SRRM4: variants seen among roughly 807,000 people sequenced by gnomAD.
SRRM4 encodes serine/arginine repetitive matrix protein 4.
Under a neutral mutation model 68.9 loss-of-function variants are expected in SRRM4, and 33 were observed. The ratio of observed to expected loss-of-function variants is 0.48; its 90% CI spans 0.36 to 0.64. SRRM4 has a LOEUF of 0.64. Among genes scored for constraint, SRRM4 ranks in the 30% least tolerant of loss-of-function variants. The pLI, the probability that SRRM4 is intolerant of heterozygous loss-of-function variation, is 0.00. For synonymous variants in SRRM4, 318 were observed against 318.8 expected, an observed-to-expected ratio of 1.00 and a Z score of 0.03; for missense variants, 817 against 827.1, an observed-to-expected ratio of 0.99 and a Z score of 0.15.
At chr12:119,129,963 AGATGGATGGATGGATGGATGGATG>A (rs10549675) in intron 7 of SRRM4, among the ~76,000 whole-genome samples, 2 of 136,506 alleles carry the variant, frequency 1.5e-5, no homozygotes, top group Admixed American at 7.2e-5. Context: ...AAGGAAGGAC[AGATGGATGGATGGATGGATGGATG>A]GATGGATGGA....
chr12:119,074,672 T>C (rs544433779), intron 1 of SRRM4, among the ~76,000 whole-genome samples: 2 of 152,314 alleles, frequency 1.3e-5, no homozygotes, highest in South Asian at 4.1e-4. Context: ...GATTCTGTTT[T>C]GTTAATCTGA....
chr12:119,152,592 C>T (rs1354244211), intron 10 of SRRM4, among the ~76,000 whole-genome samples: 1 of 152,170 alleles, frequency 6.6e-6, no homozygotes, highest in Non-Finnish European at 1.5e-5. Flanking sequence ...TCAGATGGCT[C>T]CACAGAAAAG....
chr12:119,065,366 C>T (rs771751658), intron 1 of SRRM4, among the ~76,000 whole-genome samples: 8 of 152,166 alleles, frequency 5.3e-5, no homozygotes, highest in Non-Finnish European at 1.2e-4. Flanking sequence ...GAATACCAGG[C>T]CCACTTGACT....
At chr12:119,112,926 C>A (rs569997210) in intron 2 of SRRM4, among the ~76,000 whole-genome samples, 3 of 152,096 alleles carry the variant, frequency 2.0e-5, no homozygotes, top group South Asian at 2.1e-4. Flanking sequence ...ATGTAACAAA[C>A]CTGCACATCC....
At position 119,162,716 on chromosome 12, in the gene SRRM4, C is replaced by T. The variant is rs534204102; in HGVS notation, c.*5918C>T. 27 of 152,310 alleles carry T rather than the reference C, an allele frequency of 1.8e-4. No homozygotes were observed. The highest frequency in any genetic ancestry group is 6.5e-4 in the African/African-American group (27 of 41,562). The allele number at this position is 152,310 out of a possible 1,614,324, so 9.4% of individuals were successfully genotyped here. A position where few individuals can be genotyped will look rare whatever the true frequency, so the allele number is the denominator to read the frequency against. Reference sequence around the variant, plus strand: ...TGGCCAAGGACCTAGCATAATCCACCACATTGGCCAAGGGGACGTGGTGCA... The same window carrying T: ...TGGCCAAGGACCTAGCATAATCCACTACATTGGCCAAGGGGACGTGGTGCA... On this transcript the variant is annotated 3_prime_UTR_variant, in exon 13 of 13. Coordinates refer to ENST00000267260, the MANE Select transcript of SRRM4 (RefSeq NM_194286.4).
At chr12:119,044,177 ACTT>A (rs1298552216) in intron 1 of SRRM4, among the ~76,000 whole-genome samples, 1 of 152,128 alleles carries the variant, frequency 6.6e-6, no homozygotes, top group Non-Finnish European at 1.5e-5. Context: ...TATTTCCTGT[ACTT>A]CTAACACTAG....
intron 1 of SRRM4, among the ~76,000 whole-genome samples, chr12:119,015,490 G>T (rs1255981729): frequency 6.6e-6 from 1 of 152,122 alleles, no homozygotes; most frequent in Non-Finnish European, 1.5e-5. Flanking sequence ...CCAAGCTCCT[G>T]TCAAAGCCCC....
At position 119,156,534 on chromosome 12, in the gene SRRM4, C is replaced by T. The variant is rs1201335093; in HGVS notation, c.1572C>T (p.Pro524=). 2.5e-6 allele frequency: 4 copies of T among 1,610,930 alleles called. No homozygotes were observed. The African/African-American group carries it at 5.3e-5, about 22-fold the overall frequency. The change falls in exon 13 of 13, where the codon CCC becomes CCT. Residue 524 remains proline (P), a synonymous_variant. Transcript: ENST00000267260. ...KRPIPYYRPS[P]SSSGSLSSTS... is the part of the protein sequence containing the mutation. ...CCATCCCCTACTATCGGCCCAGCCC[C>T]TCCTCATCCGGCAGCCTCAGCAGCA...
intron 8 of SRRM4, among the ~76,000 whole-genome samples, chr12:119,137,444 T>C (rs1406466265): frequency 6.6e-6 from 1 of 152,114 alleles, no homozygotes; most frequent in African/African-American, 2.4e-5. Context: ...CAGTGCCGGC[T>C]TCCCTGGAGG....
chr12:119,056,319 T>TGTCA (rs1372823460), intron 1 of SRRM4, among the ~76,000 whole-genome samples: 2 of 152,242 alleles, frequency 1.3e-5, no homozygotes, highest in Non-Finnish European at 2.9e-5. Flanking sequence ...TACAAGGAGA[T>TGTCA]GTCACCTCAT....
chr12:119,096,318 C>T (rs1240863391), intron 1 of SRRM4, among the ~76,000 whole-genome samples: 1 of 151,842 alleles, frequency 6.6e-6, no homozygotes, highest in Non-Finnish European at 1.5e-5. Context: ...CAGGTGTGAG[C>T]CACCACGCCC....
Position 119,134,414 on chromosome 12 carries a change from A to G in SRRM4, c.771+3580A>G, listed in dbSNP as rs542806114. 1.2e-4 allele frequency among the ~76,000 whole-genome samples: 18 copies of G among 152,202 alleles called. No individual in the cohort carries two copies. The South Asian group carries it at 3.3e-3, about 28-fold the overall frequency. Reference sequence around the variant, plus strand: ...AAAAAAAAAAGAAGAAAAGAAAAAAAAAAACACTCTTCCTGAACTCCAGGG... The same window carrying G: ...AAAAAAAAAAGAAGAAAAGAAAAAAGAAAACACTCTTCCTGAACTCCAGGG... On this transcript the variant is annotated intron_variant, in intron 8 of 12. Coordinates refer to ENST00000267260, the MANE Select transcript of SRRM4 (RefSeq NM_194286.4).
At chr12:119,095,974 A>AAG (rs1555218305) in intron 1 of SRRM4, among the ~76,000 whole-genome samples, 77 of 151,268 alleles carry the variant, frequency 5.1e-4, no homozygotes, top group African/African-American at 1.9e-3. Context: ...AAAAAAAAAA[A>AAG]AAAAGAAAAT....
Position 119,104,392 on chromosome 12 carries a change from C to T in SRRM4, c.278+2010C>T, listed in dbSNP as rs77285678. On this transcript the variant is annotated intron_variant, in intron 2 of 12. Transcript: ENST00000267260. ...TCACTCCCTTCTATCTGTGACTGAC[C>T]CTCTGATGTGACAAAACCACAATAA... Among the ~76,000 whole-genome samples, 1,344 of 151,574 alleles carry T rather than the reference C, an allele frequency of 8.9e-3. 29 individuals carry two copies. The highest frequency in any genetic ancestry group is 0.032 in the African/African-American group (1,303 of 41,270).
At chr12:119,141,677 A>C (rs1954366139) in intron 8 of SRRM4, among the ~76,000 whole-genome samples, 1 of 152,168 alleles carries the variant, frequency 6.6e-6, no homozygotes, top group African/African-American at 2.4e-5. Context: ...ATTAGGCAAA[A>C]TTTACTGAGT....
chr12:119,113,489 A>T (rs1271634744), intron 2 of SRRM4, among the ~76,000 whole-genome samples: 1 of 152,256 alleles, frequency 6.6e-6, no homozygotes, highest in Admixed American at 6.5e-5. Flanking sequence ...ATATAAAAAA[A>T]CTTGGCACAT....
At position 118,994,111 on chromosome 12, in the gene SRRM4, G is replaced by C. The variant is rs1170594382; in HGVS notation, c.131+12098G>C. On this transcript the variant is annotated intron_variant, in intron 1 of 12. Transcript: ENST00000267260. Reference sequence around the variant, plus strand: ...TGATCAGTAGTGGGATCGCGCCTGTGAATACCTACTGCATTCCAGCCTGGG... The same window carrying C: ...TGATCAGTAGTGGGATCGCGCCTGTCAATACCTACTGCATTCCAGCCTGGG... 3.3e-5 allele frequency: 5 copies of C among 152,044 alleles called. No homozygotes were observed. In the East Asian group the frequency reaches 9.6e-4, roughly 29 times the overall value. The allele number at this position is 152,044 out of a possible 1,614,324, so 9.4% of individuals were successfully genotyped here.
At chr12:119,021,796 A>G (rs1953517645) in intron 1 of SRRM4, among the ~76,000 whole-genome samples, 1 of 152,192 alleles carries the variant, frequency 6.6e-6, no homozygotes, top group South Asian at 2.1e-4. Context: ...TCCATGGTAT[A>G]TATGTATTAC....
At chr12:119,064,181 C>T (rs1953831606) in intron 1 of SRRM4, among the ~76,000 whole-genome samples, 1 of 152,144 alleles carries the variant, frequency 6.6e-6, no homozygotes, top group Non-Finnish European at 1.5e-5. Context: ...CTTCCAAAAA[C>T]CCCATTATTA....
Sources: gnomAD v4.1 joint callset for allele counts (sites outside exome capture counted in the v4.1 genomes callset) on GRCh38, gnomAD v4.1.1 for gene constraint, MANE v1.5 for transcripts, NCBI Gene and HGNC (gene_info 2026-07-23, HGNC 2026-07-21) for gene names.